Variants in SBF2 observed in about 807,000 individuals in gnomAD.
The protein encoded by SBF2 is myotubularin-related protein 13.
SBF2 carries 112 observed loss-of-function variants against 225.2 expected under a neutral mutation model. That is an observed-to-expected ratio of 0.50 (90% CI 0.43 to 0.58). The LOEUF is 0.58. Among genes scored for constraint, SBF2 ranks in the 20% least tolerant of loss-of-function variants. The pLI, the probability that SBF2 is intolerant of heterozygous loss-of-function variation, is 0.00. For synonymous variants in SBF2, 763 were observed against 773.3 expected (o/e 0.99, Z 0.22); for missense variants, 1,996 against 2,206.2 (o/e 0.90, Z 1.91).
At chr11:10,170,173 G>C (rs1956128986) in intron 2 of SBF2, among the ~76,000 whole-genome samples, 3 of 152,082 alleles carry the variant, frequency 2.0e-5, no homozygotes, top group African/African-American at 7.2e-5. Flanking sequence ...TTGGTTGTCT[G>C]TGCTTATGGG....
intron 2 of SBF2, among the ~76,000 whole-genome samples, chr11:10,090,432 A>G (rs1031674110): frequency 6.6e-6 from 1 of 152,206 alleles, no homozygotes; most frequent in African/African-American, 2.4e-5. Context: ...ACCCATGTCC[A>G]TCTTATAGAT....
chr11:10,089,023 T>A (rs1022984195), intron 2 of SBF2, among the ~76,000 whole-genome samples: 3 of 152,194 alleles, frequency 2.0e-5, no homozygotes, highest in Non-Finnish European at 2.9e-5. Flanking sequence ...ACATAGAACC[T>A]GGGTCCTGCC....
At chr11:9,849,739 A>C (rs1407116040) in intron 22 of SBF2, among the ~76,000 whole-genome samples, 2 of 152,212 alleles carry the variant, frequency 1.3e-5, no homozygotes, top group Non-Finnish European at 2.9e-5. Context: ...GTTAGAGTGA[A>C]TATCTCTAGG....
chr11:9,799,190 T>C (rs909326111), intron 32 of SBF2, among the ~76,000 whole-genome samples: 1 of 152,186 alleles, frequency 6.6e-6, no homozygotes, highest in African/African-American at 2.4e-5. Context: ...AGGGAGATCA[T>C]GTGCTCAGAT....
intron 16 of SBF2, among the ~76,000 whole-genome samples, chr11:9,926,057 G>T (rs964614175): frequency 5.3e-5 from 8 of 152,202 alleles, no homozygotes; most frequent in African/African-American, 1.9e-4. Context: ...CTGATATGTG[G>T]ATCTTTCCCC....
chr11:10,215,607 A>G (rs900308661), intron 1 of SBF2, among the ~76,000 whole-genome samples: 3 of 152,186 alleles, frequency 2.0e-5, no homozygotes, highest in African/African-American at 4.8e-5. Context: ...TGGGTGATAG[A>G]GCAAGACCTT....
At chr11:9,871,552 C>T (rs1040557089) in intron 17 of SBF2, among the ~76,000 whole-genome samples, 10 of 150,586 alleles carry the variant, frequency 6.6e-5, no homozygotes, top group Non-Finnish European at 1.2e-4. Flanking sequence ...AGTGCAGTGG[C>T]GCGATCTCGG....
intron 2 of SBF2, among the ~76,000 whole-genome samples, chr11:10,063,858 C>CACACACAGAGAGAGAGAGAGAGAGAG (rs373423157): frequency 1.2e-4 from 17 of 136,240 alleles, no homozygotes; most frequent in Admixed American, 7.7e-4. Context: ...CACACACACA[C>CACACACAGAGAGAGAGAGAGAGAGAG]AGAGAGAGAG....
chr11:9,924,107 A>G (rs1169656746), intron 16 of SBF2, among the ~76,000 whole-genome samples: 1 of 152,208 alleles, frequency 6.6e-6, no homozygotes, highest in African/African-American at 2.4e-5. Flanking sequence ...GGGATTCTAG[A>G]GCAATGATGT....
chr11:9,990,457 G>T (rs983312483), intron 12 of SBF2, among the ~76,000 whole-genome samples: 1 of 152,192 alleles, frequency 6.6e-6, no homozygotes, highest in African/African-American at 2.4e-5. Context: ...TGAAAACAAG[G>T]ATCACTTTCC....
At chr11:9,808,666 C>A in intron 31 of SBF2, 2 of 463,498 alleles carry the variant, frequency 4.3e-6, no homozygotes, top group Admixed American at 3.4e-5. Flanking sequence ...CGCAAGCCTG[C>A]ATGGTACATC....
At chr11:10,239,760 T>TCAGGA (rs1555090188) in intron 1 of SBF2, among the ~76,000 whole-genome samples, 5,462 of 147,094 alleles carry the variant, frequency 0.037, 213 homozygotes, top group Middle Eastern at 0.088. Context: ...AAATGCACTA[T>TCAGGA]ATAAACCTAA....
rs767652621 is a variant in SBF2 at position 10,238,854 on chromosome 11, G to A, written c.56-44867C>T. On this transcript the variant is annotated intron_variant, in intron 1 of 39. Transcript: ENST00000256190. ...CTTGAACCTGGGAGGCAGAGGTTGC[G>A]GTGAGCCGAGATTGCCCCACTGCAC... is the stretch of plus-strand genomic sequence containing the variant. 9.3e-5 allele frequency among the ~76,000 whole-genome samples: 14 copies of A among 150,786 alleles called. 1 individual carries two copies. The highest frequency in any genetic ancestry group is 2.2e-4 in the South Asian group (1 of 4,624).
intron 9 of SBF2, 152 bp from the exon 10 acceptor site, chr11:9,994,150 G>A (rs1281330953): frequency 1.4e-6 from 1 of 704,450 alleles, no homozygotes; most frequent in Admixed American, 2.4e-5. Context: ...ATGTACTATT[G>A]TAGAAAGATC....
At chr11:9,833,840 A>G (rs1315858090) in intron 26 of SBF2, among the ~76,000 whole-genome samples, 2 of 142,342 alleles carry the variant, frequency 1.4e-5, no homozygotes, top group Non-Finnish European at 3.0e-5. Flanking sequence ...GCGTGATCTC[A>G]GCTCACCGCA....
chr11:9,983,342 C>T (rs11603139), intron 13 of SBF2, among the ~76,000 whole-genome samples: 9,658 of 152,132 alleles, frequency 0.063, 406 homozygotes, highest in Middle Eastern at 0.095. Context: ...CATGACTCAG[C>T]AGAGGGAGCC....
chr11:9,983,236 G>A (rs1947036577), intron 13 of SBF2, among the ~76,000 whole-genome samples: 1 of 152,102 alleles, frequency 6.6e-6, no homozygotes, highest in Admixed American at 6.5e-5. Flanking sequence ...CAGGGCTACT[G>A]GGGGGCACAG....
At chr11:9,961,164 T>C (rs1041199418) in intron 16 of SBF2, 5 of 152,230 alleles carry the variant, frequency 3.3e-5, no homozygotes, top group African/African-American at 1.2e-4. Context: ...TCCATACAAA[T>C]GATACATTTT....
At chr11:10,251,670 T>G (rs1250303648) in intron 1 of SBF2, among the ~76,000 whole-genome samples, 1 of 151,752 alleles carries the variant, frequency 6.6e-6, no homozygotes, top group African/African-American at 2.4e-5. Flanking sequence ...ATCCTCCCAA[T>G]AGTCATGATA....
Sources: gnomAD v4.1 joint callset for allele counts (sites outside exome capture counted in the v4.1 genomes callset) on GRCh38, gnomAD v4.1.1 for gene constraint, MANE v1.5 for transcripts, NCBI Gene and HGNC (gene_info 2026-07-23, HGNC 2026-07-21) for gene names.